GLIS3: variants seen among roughly 807,000 people sequenced by gnomAD.
GLIS3 encodes the protein GLIS family zinc finger 3.
A neutral mutation model predicts 78.6 loss-of-function variants in GLIS3; 53 were observed. The ratio of observed to expected loss-of-function variants is 0.67; its 90% CI spans 0.54 to 0.85. The LOEUF (loss-of-function observed/expected upper bound fraction) is 0.85. Ranked by LOEUF, GLIS3 falls within the 40% of genes least tolerant of loss-of-function variation. The pLI, the probability that GLIS3 is intolerant of heterozygous loss-of-function variation, is 0.00. For missense variants in GLIS3, 1,703 were observed against 1,231.1 expected (o/e 1.38, Z -5.74); for synonymous variants, 684 against 509.9 (o/e 1.34, Z -4.60).
chr9:4,126,649 T>A (rs1401931438), intron 2 of GLIS3, among the ~76,000 whole-genome samples: 1 of 152,204 alleles, frequency 6.6e-6, no homozygotes, highest in African/African-American at 2.4e-5. Context: ...CCCACAAGAA[T>A]CTGTGTCGTT....
At chr9:3,849,289 A>G (rs139039641) in intron 9 of GLIS3, among the ~76,000 whole-genome samples, 21 of 152,286 alleles carry the variant, frequency 1.4e-4, no homozygotes, top group African/African-American at 4.8e-4. Context: ...ACCATCCTAG[A>G]GTGTTTGGCA....
At chr9:4,191,796 AC>A (rs1419539035) in intron 2 of GLIS3, among the ~76,000 whole-genome samples, 18 of 152,318 alleles carry the variant, frequency 1.2e-4, no homozygotes, top group South Asian at 2.1e-4. Flanking sequence ...CTGTTCCTGT[AC>A]CAAGGTCCAA....
At chr9:4,320,803 T>C (rs1220743367) in intron 2 of GLIS3, among the ~76,000 whole-genome samples, 1 of 152,156 alleles carries the variant, frequency 6.6e-6, no homozygotes, top group African/African-American at 2.4e-5. Context: ...GCACCCAACA[T>C]TGTATTATGT....
chr9:4,411,280 G>A, the GLIS3 span, among the ~76,000 whole-genome samples: 3 of 152,056 alleles, frequency 2.0e-5, no homozygotes, highest in African/African-American at 7.2e-5. Context: ...TTCACTTGGT[G>A]CAAACATGCC....
chr9:3,971,645 C>T (rs1818390313), intron 4 of GLIS3, among the ~76,000 whole-genome samples: 1 of 152,180 alleles, frequency 6.6e-6, no homozygotes, highest in South Asian at 2.1e-4. Context: ...ACGGTACACA[C>T]AGTAGCATGA....
chr9:4,135,659 A>C (rs1833353588), intron 2 of GLIS3, among the ~76,000 whole-genome samples: 1 of 152,236 alleles, frequency 6.6e-6, no homozygotes, highest in Non-Finnish European at 1.5e-5. Flanking sequence ...ATAGAATCTT[A>C]GGCAAGGCAT....
intron 4 of GLIS3, among the ~76,000 whole-genome samples, chr9:4,086,656 T>C (rs1829045293): frequency 6.6e-6 from 1 of 152,184 alleles, no homozygotes; most frequent in Non-Finnish European, 1.5e-5. Flanking sequence ...GTATGTCCTT[T>C]TGGAGAGTTT....
chr9:4,360,230 A>C, the GLIS3 span, among the ~76,000 whole-genome samples: 1 of 152,154 alleles, frequency 6.6e-6, no homozygotes, highest in Non-Finnish European at 1.5e-5. Context: ...TAGTCAGTTT[A>C]ACATCAACGC....
intron 4 of GLIS3, among the ~76,000 whole-genome samples, chr9:4,031,221 G>A (rs999719094): frequency 2.6e-5 from 4 of 152,048 alleles, no homozygotes; most frequent in Admixed American, 6.6e-5. Flanking sequence ...GTCAAAAGGT[G>A]GAAATAACCC....
intron 1 of GLIS3, among the ~76,000 whole-genome samples, chr9:4,287,984 A>G (rs889180763): frequency 6.6e-6 from 1 of 152,158 alleles, no homozygotes; most frequent in Non-Finnish European, 1.5e-5. Context: ...TAATACTATC[A>G]TGCCATCTAG....
chr9:4,257,548 G>C (rs912733286), intron 2 of GLIS3, among the ~76,000 whole-genome samples: 1 of 127,998 alleles, frequency 7.8e-6, no homozygotes, highest in Non-Finnish European at 1.7e-5. Flanking sequence ...TAATTTGCTT[G>C]ACAAATTAAC....
intron 2 of GLIS3, among the ~76,000 whole-genome samples, chr9:4,267,076 C>A (rs914782632): frequency 1.3e-5 from 2 of 152,228 alleles, no homozygotes; most frequent in South Asian, 4.2e-4. Context: ...AATGCATGAG[C>A]GTAAAGGTGA....
At chr9:3,947,833 CA>C (rs1332024010) in intron 4 of GLIS3, among the ~76,000 whole-genome samples, 5 of 152,162 alleles carry the variant, frequency 3.3e-5, no homozygotes, top group Non-Finnish European at 5.9e-5. Context: ...TGCGACAAGA[CA>C]GGGGGAAAGA....
chr9:4,291,710 C>G (rs144534356), intron 1 of GLIS3, among the ~76,000 whole-genome samples: 1 of 152,100 alleles, frequency 6.6e-6, no homozygotes, highest in South Asian at 2.1e-4. Flanking sequence ...GCATTGAGAG[C>G]CTTCCACACA....
chr9:4,357,591 A>ATGTGTGTGTGTGTG, the GLIS3 span, among the ~76,000 whole-genome samples: 100 of 127,890 alleles, frequency 7.8e-4, no homozygotes, highest in African/African-American at 3.1e-3. Context: ...GTGTGTGTGC[A>ATGTGTGTGTGTGTG]TGTGTATGTG....
At chr9:4,038,510 G>C (rs747075625) in intron 4 of GLIS3, among the ~76,000 whole-genome samples, 2 of 152,172 alleles carry the variant, frequency 1.3e-5, no homozygotes, top group Non-Finnish European at 2.9e-5. Context: ...GGAGATCAAA[G>C]GTGAAATCCA....
chr9:4,036,813 G>A (rs1824353341), intron 4 of GLIS3, among the ~76,000 whole-genome samples: 1 of 152,182 alleles, frequency 6.6e-6, no homozygotes. Flanking sequence ...AAAGCCGTTT[G>A]GAGGACTCAT....
At chr9:3,973,207 G>A (rs1818517756) in intron 4 of GLIS3, among the ~76,000 whole-genome samples, 1 of 152,134 alleles carries the variant, frequency 6.6e-6, no homozygotes, top group African/African-American at 2.4e-5. Flanking sequence ...ATCCTCCTGG[G>A]ATCAAATGTG....
chr9:4,469,146 G>T, the GLIS3 span, among the ~76,000 whole-genome samples: 1 of 152,156 alleles, frequency 6.6e-6, no homozygotes, highest in East Asian at 1.9e-4. Context: ...CAAGTCCTTA[G>T]AGACCTAGAA....
Sources: allele counts gnomAD v4.1 joint callset (sites outside exome capture counted in the v4.1 genomes callset), GRCh38; gene constraint gnomAD v4.1.1; transcripts MANE v1.5; gene names NCBI Gene and HGNC (gene_info 2026-07-23, HGNC 2026-07-21).